The following SHB variants were observed in gnomAD, a reference collection of about 807,000 sequenced individuals.
SHB encodes SH2 domain-containing adapter protein B.
In SHB, 20 loss-of-function variants were observed where a neutral mutation model predicts 52.3. That is an observed-to-expected ratio of 0.38 (90% CI 0.27 to 0.56). The LOEUF (loss-of-function observed/expected upper bound fraction) is 0.56. Among genes scored for constraint, SHB ranks in the 20% least tolerant of loss-of-function variants. The pLI, the probability that SHB is intolerant of heterozygous loss-of-function variation, is 0.71. For missense variants in SHB, 825 were observed against 723.3 expected, an observed-to-expected ratio of 1.14 and a Z score of -1.61; for synonymous variants, 397 against 316.5, an observed-to-expected ratio of 1.25 and a Z score of -2.70.
At chr9:38,063,790 T>C (rs1445301937) in intron 1 of SHB, among the ~76,000 whole-genome samples, 1 of 144,908 alleles carries the variant, frequency 6.9e-6, no homozygotes, top group Non-Finnish European at 1.5e-5. Flanking sequence ...AACTGTTTGC[T>C]GGATGTTTTT....
At chr9:37,942,286 G>A (rs1457983109) in intron 5 of SHB, among the ~76,000 whole-genome samples, 8 of 152,234 alleles carry the variant, frequency 5.3e-5, no homozygotes, top group Admixed American at 5.2e-4. Context: ...AGGACAGGAG[G>A]CAAGTTCTTG....
chr9:37,978,117 G>A (rs1357763800), intron 2 of SHB, among the ~76,000 whole-genome samples: 2 of 152,166 alleles, frequency 1.3e-5, no homozygotes, highest in African/African-American at 2.4e-5. Flanking sequence ...TAAAGGATCT[G>A]GGACAATATG....
At position 37,915,947 on chromosome 9, in the gene SHB, A is replaced by G. The variant is rs1281802188; in HGVS notation, c.*3874T>C. 6.6e-6 allele frequency among the ~76,000 whole-genome samples: 1 copy of G among 152,236 alleles called. No individual in the cohort carries two copies. Among genetic ancestry groups the G allele is most frequent in the East Asian group, 1.9e-4 (1 of 5,202 alleles). ...AAGAGCTTCACATTAAATATTCATC[A>G]TTATACAGTGTGTCACATAGATTTG... is the stretch of plus-strand genomic sequence containing the variant. On this transcript the variant is annotated 3_prime_UTR_variant, in exon 6 of 6. Coordinates refer to ENST00000377707, the MANE Select transcript of SHB (RefSeq NM_003028.3).
chr9:37,925,610 GGTAAT>G (rs139091955), intron 5 of SHB, among the ~76,000 whole-genome samples: 2,314 of 152,296 alleles, frequency 0.015, 18 homozygotes, highest in Middle Eastern at 0.034. Context: ...TTCTTGAAGG[GGTAAT>G]GTGAGCGCTG....
intron 1 of SHB, among the ~76,000 whole-genome samples, chr9:38,065,112 T>C (rs1326271982): frequency 6.6e-6 from 1 of 152,064 alleles, no homozygotes; most frequent in Admixed American, 6.6e-5. Flanking sequence ...TAACAATAGA[T>C]AAAGACTAAA....
intron 5 of SHB, among the ~76,000 whole-genome samples, chr9:37,929,381 A>G (rs1366306692): frequency 1.3e-5 from 2 of 152,198 alleles, no homozygotes; most frequent in Non-Finnish European, 2.9e-5. Context: ...GCATTTTTAA[A>G]TTTTTAAATG....
chr9:37,936,042 A>T (rs1832366133), intron 5 of SHB, among the ~76,000 whole-genome samples: 3 of 143,996 alleles, frequency 2.1e-5, no homozygotes, highest in Non-Finnish European at 3.0e-5. Context: ...GTCTCTACTA[A>T]AAAAAAAAAA....
intron 4 of SHB, among the ~76,000 whole-genome samples, chr9:37,951,844 G>T (rs1300703378): frequency 6.6e-6 from 1 of 152,272 alleles, no homozygotes; most frequent in Non-Finnish European, 1.5e-5. Flanking sequence ...GGCCGGCACT[G>T]GCCAGCCTGT....
chr9:37,953,488 T>C (rs986914171), intron 4 of SHB, among the ~76,000 whole-genome samples: 2 of 151,704 alleles, frequency 1.3e-5, no homozygotes, highest in African/African-American at 2.4e-5. Context: ...ATGGTAATGA[T>C]GGAGGAAGGA....
At chr9:37,954,359 C>T (rs1163295657) in intron 4 of SHB, among the ~76,000 whole-genome samples, 1 of 152,198 alleles carries the variant, frequency 6.6e-6, no homozygotes, top group African/African-American at 2.4e-5. Context: ...AAGACAAATA[C>T]AGTACGTGAC....
intron 2 of SHB, among the ~76,000 whole-genome samples, chr9:38,007,106 T>C (rs1472246112): frequency 3.3e-5 from 5 of 152,292 alleles, no homozygotes; most frequent in African/African-American, 7.2e-5. Flanking sequence ...CCCGGGAGCA[T>C]AGAACGGTGC....
chr9:38,035,378 C>G (rs570592049), intron 1 of SHB, among the ~76,000 whole-genome samples: 1 of 151,958 alleles, frequency 6.6e-6, no homozygotes, highest in South Asian at 2.1e-4. Context: ...AGATCCTTTG[C>G]CACTAGAAAC....
intron 2 of SHB, among the ~76,000 whole-genome samples, chr9:37,993,451 C>T (rs1311163575): frequency 1.3e-5 from 2 of 152,028 alleles, no homozygotes; most frequent in African/African-American, 4.8e-5. Context: ...GGAGATATAC[C>T]TAATGTAAAC....
In SHB at chr9:38,068,663, G is replaced by A; in HGVS notation, c.-18C>T. The A allele has an allele frequency of 3.8e-6, 5 of 1,329,360 alleles. No homozygotes were observed. The highest frequency in any genetic ancestry group is 4.8e-6 in the Non-Finnish European group (5 of 1,046,702). The allele number at this position is 1,329,360 out of a possible 1,614,324, so 82.3% of individuals were successfully genotyped here. On this transcript the variant is annotated 5_prime_UTR_variant, in exon 1 of 6. Coordinates refer to ENST00000377707, the MANE Select transcript of SHB (RefSeq NM_003028.3). ...TTGGCCATGGCGAGAGGCCGCCTAG[G>A]GCCGCGGCGCGGGAGCCCGGTCCGC...
intron 5 of SHB, among the ~76,000 whole-genome samples, chr9:37,941,949 G>C (rs1832439362): frequency 6.6e-6 from 1 of 152,162 alleles, no homozygotes; most frequent in African/African-American, 2.4e-5. Context: ...CACTCCCACT[G>C]GCCCCTAAAC....
chr9:37,961,088 C>G (rs1832688036), intron 3 of SHB, among the ~76,000 whole-genome samples: 2 of 152,176 alleles, frequency 1.3e-5, no homozygotes, highest in African/African-American at 4.8e-5. Context: ...TAGGAAAGGT[C>G]TGGCACAAAC....
intron 2 of SHB, among the ~76,000 whole-genome samples, chr9:37,994,096 C>T (rs1367855978): frequency 1.3e-5 from 2 of 152,212 alleles, no homozygotes; most frequent in Non-Finnish European, 2.9e-5. Context: ...GGTTCATTTA[C>T]TTACAGAATC....
At chr9:38,019,977 T>C (rs1418421750) in intron 1 of SHB, among the ~76,000 whole-genome samples, 1 of 152,298 alleles carries the variant, frequency 6.6e-6, no homozygotes, top group East Asian at 1.9e-4. Flanking sequence ...AAGCAAGCTG[T>C]AGAATGATAA....
In SHB at chr9:38,068,055, C is replaced by G. The variant is rs1821995378; in HGVS notation, c.591G>C (p.Gly197=). ...KVESAAGGGA[G]DPLGGACAGG... ...CCGCGCAGGCGCCCCCCAGGGGGTC[C>G]CCGGCCCCACCGCCCGCGGCGCTCT... Residue 197 remains glycine (G), a synonymous_variant, in exon 1 of 6, where the codon GGG becomes GGC. Transcript: ENST00000377707. 2 of 1,493,126 alleles carry G rather than the reference C, an allele frequency of 1.3e-6. No individual in the cohort carries two copies. Among genetic ancestry groups the G allele is most frequent in the Non-Finnish European group, 1.8e-6 (2 of 1,130,864 alleles). 92.5% of individuals were successfully genotyped at this position (1,493,126 alleles called of 1,614,324 possible). A position where few individuals can be genotyped will look rare whatever the true frequency, so the allele number is the denominator to read the frequency against.
Sources: gnomAD v4.1 joint callset for allele counts (sites outside exome capture counted in the v4.1 genomes callset) on GRCh38, gnomAD v4.1.1 for gene constraint, MANE v1.5 for transcripts, NCBI Gene and HGNC (gene_info 2026-07-23, HGNC 2026-07-21) for gene names.